PSD3: variants seen among roughly 807,000 people sequenced by gnomAD.
PSD3 encodes pleckstrin and Sec7 domain containing 3, also known as PH and SEC7 domain-containing protein 3.
Under a neutral mutation model 105.5 loss-of-function variants are expected in PSD3, and 49 were observed. The observed-to-expected ratio is 0.46, with a 90% CI of 0.37 to 0.59. The LOEUF (loss-of-function observed/expected upper bound fraction) is 0.59, where lower values mean the gene tolerates loss of function less well. Ranked by LOEUF, PSD3 falls within the 20% of genes least tolerant of loss-of-function variation. The pLI is 0.00. For missense variants in PSD3, 1,561 were observed against 1,263.8 expected, an observed-to-expected ratio of 1.24 and a Z score of -3.57; for synonymous variants, 557 against 457.8, an observed-to-expected ratio of 1.22 and a Z score of -2.77.
At chr8:18,709,948 T>C (rs11988643) in intron 9 of PSD3, among the ~76,000 whole-genome samples, 7 of 152,098 alleles carry the variant, frequency 4.6e-5, no homozygotes, top group Admixed American at 2.0e-4. Context: ...CTCCAAATGA[T>C]TGCACCACCT....
intron 10 of PSD3, among the ~76,000 whole-genome samples, chr8:18,636,381 A>T (rs1460571925): frequency 6.6e-6 from 1 of 152,196 alleles, no homozygotes; most frequent in African/African-American, 2.4e-5. Context: ...ATGTGTTTTA[A>T]GCTGTTATTA....
chr8:18,621,282 C>T (rs969931248), intron 11 of PSD3, among the ~76,000 whole-genome samples: 2 of 152,168 alleles, frequency 1.3e-5, no homozygotes, highest in Non-Finnish European at 2.9e-5. Flanking sequence ...GTGGCACACA[C>T]CTGTAGTCCC....
intron 9 of PSD3, among the ~76,000 whole-genome samples, chr8:18,672,603 T>C (rs1799845692): frequency 6.6e-6 from 1 of 152,216 alleles, no homozygotes; most frequent in South Asian, 2.1e-4. Flanking sequence ...TTTAGCTAAA[T>C]GAGAAAATAA....
intron 1 of PSD3, among the ~76,000 whole-genome samples, chr8:19,020,948 A>G (rs1827342875): frequency 6.6e-6 from 1 of 152,202 alleles, no homozygotes; most frequent in Non-Finnish European, 1.5e-5. Context: ...AACATTCAGC[A>G]GAGGAGTGCC....
chr8:19,008,701 T>C (rs1460286189), intron 1 of PSD3, among the ~76,000 whole-genome samples: 1 of 152,236 alleles, frequency 6.6e-6, no homozygotes, highest in East Asian at 1.9e-4. Flanking sequence ...TCTACTTCTC[T>C]TGTCCACAGA....
chr8:18,870,518 C>T (rs117977474), intron 3 of PSD3, among the ~76,000 whole-genome samples: 2,012 of 152,038 alleles, frequency 0.013, 17 homozygotes, highest in Non-Finnish European at 0.02. Context: ...TATCACCCAC[C>T]GGGCCCTGTC....
At chr8:18,669,702 C>T (rs1799671886) in intron 9 of PSD3, among the ~76,000 whole-genome samples, 1 of 152,206 alleles carries the variant, frequency 6.6e-6, no homozygotes, top group Non-Finnish European at 1.5e-5. Flanking sequence ...CTAAAATTTT[C>T]CTTTTAATGT....
chr8:18,895,706 T>C (rs1028303371), intron 2 of PSD3, among the ~76,000 whole-genome samples: 1 of 152,360 alleles, frequency 6.6e-6, no homozygotes, highest in East Asian at 1.9e-4. Context: ...ATTTATAAGA[T>C]ACAGTGTATT....
At chr8:18,711,083 A>C (rs990618922) in intron 9 of PSD3, among the ~76,000 whole-genome samples, 3 of 152,214 alleles carry the variant, frequency 2.0e-5, no homozygotes, top group African/African-American at 7.2e-5. Flanking sequence ...CAGACAAGCA[A>C]ATGATGACAG....
At chr8:18,906,152 C>A (rs1030248718) in intron 2 of PSD3, among the ~76,000 whole-genome samples, 2 of 152,114 alleles carry the variant, frequency 1.3e-5, no homozygotes, top group African/African-American at 4.8e-5. Flanking sequence ...AGAAAGACAT[C>A]CTTGAGAAAG....
At chr8:18,675,396 T>C (rs1295207890) in intron 9 of PSD3, among the ~76,000 whole-genome samples, 2 of 152,186 alleles carry the variant, frequency 1.3e-5, no homozygotes, top group African/African-American at 2.4e-5. Context: ...GTAATCTTAT[T>C]TATTTACTGG....
intron 4 of PSD3, among the ~76,000 whole-genome samples, chr8:18,825,576 G>A (rs534852206): frequency 8.5e-5 from 13 of 152,238 alleles, no homozygotes; most frequent in African/African-American, 2.9e-4. Context: ...TAACTCAGAG[G>A]GTTTCAGTAT....
At chr8:18,894,514 G>A (rs1819013387) in intron 2 of PSD3, among the ~76,000 whole-genome samples, 1 of 152,168 alleles carries the variant, frequency 6.6e-6, no homozygotes, top group South Asian at 2.1e-4. Context: ...AAAGATGTCA[G>A]TAATTTAGTC....
chr8:18,785,923 GT>G (rs1391317990), intron 8 of PSD3, among the ~76,000 whole-genome samples: 5 of 152,178 alleles, frequency 3.3e-5, no homozygotes, highest in Non-Finnish European at 7.3e-5. Flanking sequence ...TATGGGAATG[GT>G]TCATTGAAAA....
chr8:18,556,753 C>T (rs545619350), intron 14 of PSD3, among the ~76,000 whole-genome samples: 14 of 152,340 alleles, frequency 9.2e-5, no homozygotes, highest in African/African-American at 3.1e-4. Context: ...ATGCTGCCAG[C>T]TTTTCCATCC....
rs1455732813 is a variant in PSD3, at chr8:18,804,680, C to G, written c.1829+24G>C. ...CACACAAAACAGGAGAGAATTCAGACTCCAGCAATGGGTCAGAACGTACTT... is the reference window on the plus strand; with the variant it reads ...CACACAAAACAGGAGAGAATTCAGAGTCCAGCAATGGGTCAGAACGTACTT... On this transcript the variant is annotated intron_variant, in intron 5 of 15. Transcript: ENST00000327040. The G allele has an allele frequency of 2.5e-6, 4 of 1,612,712 alleles. No homozygotes were observed. The African/African-American group carries it at 5.3e-5, about 22-fold the overall frequency.
intron 1 of PSD3, among the ~76,000 whole-genome samples, chr8:18,998,238 A>T (rs1826184647): frequency 6.6e-6 from 1 of 152,008 alleles, no homozygotes; most frequent in African/African-American, 2.4e-5. Flanking sequence ...CGTGGAAAAG[A>T]CAAAGCTGCG....
intron 4 of PSD3, among the ~76,000 whole-genome samples, chr8:18,838,003 C>T (rs1380641536): frequency 6.6e-6 from 1 of 152,094 alleles, no homozygotes; most frequent in Admixed American, 6.5e-5. Context: ...GTTGTAAATA[C>T]CTGTCGTGTA....
chr8:19,046,043 C>T (rs1214341031), intron 1 of PSD3, among the ~76,000 whole-genome samples: 1 of 152,116 alleles, frequency 6.6e-6, no homozygotes, highest in Non-Finnish European at 1.5e-5. Flanking sequence ...GAAGCAAACT[C>T]TTATAGGGAT....
Sources: allele counts gnomAD v4.1 joint callset (sites outside exome capture counted in the v4.1 genomes callset), GRCh38; gene constraint gnomAD v4.1.1; transcripts MANE v1.5; gene names NCBI Gene and HGNC (gene_info 2026-07-23, HGNC 2026-07-21).